The following TRPM3 variants were observed in gnomAD, a reference collection of about 807,000 sequenced individuals.
TRPM3 encodes transient receptor potential cation channel subfamily M member 3.
Under a neutral mutation model 181.2 loss-of-function variants are expected in TRPM3, and 77 were observed. That is an observed-to-expected ratio of 0.42 (90% CI 0.35 to 0.51). The LOEUF (loss-of-function observed/expected upper bound fraction) is 0.51, where lower values mean the gene tolerates loss of function less well. TRPM3 is among the 20% of genes least tolerant of loss of function. The probability of loss-of-function intolerance (pLI) is 0.01; values close to 1 mark genes in which losing one functional copy is unlikely to be tolerated. For missense variants in TRPM3, 1,759 were observed against 2,196.7 expected (o/e 0.80, Z 3.98); for synonymous variants, 745 against 796.4 (o/e 0.94, Z 1.09).
chr9:71,246,342 A>G (rs1049116345), intron 1 of TRPM3, among the ~76,000 whole-genome samples: 1 of 152,242 alleles, frequency 6.6e-6, no homozygotes, highest in East Asian at 1.9e-4. Context: ...AAGACAGGTC[A>G]CATTTTAGAT....
At chr9:71,162,883 C>T (rs2076347391) in intron 1 of TRPM3, among the ~76,000 whole-genome samples, 1 of 152,024 alleles carries the variant, frequency 6.6e-6, no homozygotes, top group Non-Finnish European at 1.5e-5. Context: ...AAAAGAGGAG[C>T]ACTTAGGTTG....
intron 1 of TRPM3, among the ~76,000 whole-genome samples, chr9:71,034,471 T>A (rs528817012): frequency 6.6e-6 from 1 of 152,228 alleles, no homozygotes; most frequent in East Asian, 1.9e-4. Context: ...TGGGGTCACT[T>A]CTATGTGTGA....
intron 1 of TRPM3, among the ~76,000 whole-genome samples, chr9:70,890,103 A>G (rs1488149081): frequency 2.7e-5 from 4 of 148,820 alleles, no homozygotes; most frequent in Non-Finnish European, 5.9e-5. Context: ...ATATATAGTC[A>G]ATAGTACAAA....
intron 1 of TRPM3, among the ~76,000 whole-genome samples, chr9:71,054,821 G>C (rs1026276966): frequency 2.6e-5 from 4 of 152,058 alleles, no homozygotes; most frequent in African/African-American, 7.2e-5. Context: ...GGTCACTAGG[G>C]CTTTGATGAC....
intron 7 of TRPM3, among the ~76,000 whole-genome samples, chr9:70,782,191 C>T (rs1471918667): frequency 7.0e-6 from 1 of 143,358 alleles, no homozygotes; most frequent in Admixed American, 7.1e-5. Context: ...AAAGGAGAAC[C>T]TTGGTTAATT....
In TRPM3 at chr9:71,082,087, A is replaced by C. The variant is rs1357450167; in HGVS notation, c.177+39091T>G. Among the ~76,000 whole-genome samples, 6 of 152,020 alleles carry C rather than the reference A, an allele frequency of 3.9e-5. No individual in the cohort carries two copies. In the East Asian group the frequency reaches 1.2e-3, roughly 29 times the overall value. On this transcript the variant is annotated intron_variant, in intron 1 of 25. Transcript: ENST00000677713. ...TGACTACAAATGTTTACATGTAGCA[A>C]ATAGACTTTTTAAAATATCAATTTA...
chr9:71,035,468 C>A (rs1366367510), intron 1 of TRPM3, among the ~76,000 whole-genome samples: 3 of 152,228 alleles, frequency 2.0e-5, no homozygotes, highest in Non-Finnish European at 4.4e-5. Flanking sequence ...GTAATCCCAG[C>A]ACTTCTGGGA....
chr9:70,999,205 CT>C (rs2097574337), intron 1 of TRPM3, among the ~76,000 whole-genome samples: 3 of 152,206 alleles, frequency 2.0e-5, no homozygotes, highest in Non-Finnish European at 2.9e-5. Context: ...AAAGAAAGAA[CT>C]GTGAAGGCTA....
rs146531991 is a variant in TRPM3 at position 71,421,230 on chromosome 9, G to T, written c.183+25423C>A. On this transcript the variant is annotated intron_variant, in intron 1 of 24. Transcript: ENST00000357533. ...CTACTAGAGGTGGGAAGGAAGGAAGGGGGTGTGGGTTTAAAAACTATGGGT... is the reference window on the plus strand; with the variant it reads ...CTACTAGAGGTGGGAAGGAAGGAAGTGGGTGTGGGTTTAAAAACTATGGGT... Among the ~76,000 whole-genome samples, 116 of 151,712 alleles carry T rather than the reference G, an allele frequency of 7.6e-4. No individual in the cohort carries two copies. The East Asian group carries it at 0.019, about 25-fold the overall frequency.
chr9:71,220,356 T>TTTTTTATTATTATTA (rs376042167), intron 1 of TRPM3, among the ~76,000 whole-genome samples: 75 of 145,934 alleles, frequency 5.1e-4, no homozygotes, highest in Middle Eastern at 3.6e-3. Context: ...AAAAGTCTGA[T>TTTTTTATTATTATTA]TTATTATTAT....
At chr9:70,594,695 A>T (rs1317657754) in intron 21 of TRPM3, among the ~76,000 whole-genome samples, 2 of 152,206 alleles carry the variant, frequency 1.3e-5, no homozygotes, top group African/African-American at 4.8e-5. Flanking sequence ...GCAAAGACTC[A>T]TAGTACCAAT....
intron 1 of TRPM3, among the ~76,000 whole-genome samples, chr9:71,062,858 G>A (rs1157293767): frequency 6.6e-6 from 1 of 151,994 alleles, no homozygotes; most frequent in Non-Finnish European, 1.5e-5. Context: ...AATACAGCAA[G>A]AAGACTCTCA....
At chr9:71,422,942 C>T (rs2093803476) in intron 1 of TRPM3, among the ~76,000 whole-genome samples, 1 of 152,062 alleles carries the variant, frequency 6.6e-6, no homozygotes, top group African/African-American at 2.4e-5. Flanking sequence ...AAGCCCCACA[C>T]ACTCATATCA....
intron 5 of TRPM3, among the ~76,000 whole-genome samples, chr9:70,835,559 C>A (rs1315595256): frequency 1.3e-5 from 2 of 151,986 alleles, no homozygotes; most frequent in African/African-American, 4.8e-5. Context: ...CCTCCACTCA[C>A]TCTCCTCACA....
At chr9:70,635,462 A>ATTTTTTTTTT (rs71505401) in intron 11 of TRPM3, among the ~76,000 whole-genome samples, 2 of 113,128 alleles carry the variant, frequency 1.8e-5, no homozygotes, top group Non-Finnish European at 3.4e-5. Flanking sequence ...TTTGTCAGTG[A>ATTTTTTTTTT]TTTTTTTTTT....
intron 1 of TRPM3, among the ~76,000 whole-genome samples, chr9:71,116,529 G>A (rs1384420370): frequency 1.3e-5 from 2 of 152,184 alleles, no homozygotes; most frequent in Non-Finnish European, 2.9e-5. Context: ...CTTTGCTTCA[G>A]AGACAATAGA....
At chr9:70,945,393 T>C (rs1037145223) in intron 1 of TRPM3, among the ~76,000 whole-genome samples, 1 of 152,174 alleles carries the variant, frequency 6.6e-6, no homozygotes, top group East Asian at 1.9e-4. Context: ...GTCTGTTATA[T>C]ATTTGTCAAA....
At chr9:70,687,263 G>A (rs74323571) in intron 8 of TRPM3, among the ~76,000 whole-genome samples, 2,202 of 152,206 alleles carry the variant, frequency 0.014, 58 homozygotes, top group African/African-American at 0.05. Flanking sequence ...TTGAGGATGA[G>A]GAGCAGGAAG....
chr9:70,676,864 C>T (rs11142545), intron 9 of TRPM3, among the ~76,000 whole-genome samples: 22,953 of 151,990 alleles, frequency 0.15, 2,299 homozygotes, highest in East Asian at 0.39. Flanking sequence ...AACTGGAAAC[C>T]GTCTTCCCCA....
Sources: allele counts gnomAD v4.1 joint callset (sites outside exome capture counted in the v4.1 genomes callset), GRCh38; gene constraint gnomAD v4.1.1; transcripts MANE v1.5; gene names NCBI Gene and HGNC (gene_info 2026-07-23, HGNC 2026-07-21).